The following GNB4 variants were observed in gnomAD, a reference collection of about 807,000 sequenced individuals.
GNB4 encodes the protein guanine nucleotide-binding protein subunit beta-4.
GNB4 carries 28 observed loss-of-function variants against 45.2 expected under a neutral mutation model. The ratio of observed to expected loss-of-function variants is 0.62; its 90% CI spans 0.46 to 0.85. The LOEUF is 0.85. Among genes scored for constraint, GNB4 ranks in the 40% least tolerant of loss-of-function variants. GNB4 has a pLI of 0.00. For synonymous variants in GNB4, 132 were observed against 143.7 expected, an observed-to-expected ratio of 0.92 and a Z score of 0.58; for missense variants, 321 against 425.4, an observed-to-expected ratio of 0.75 and a Z score of 2.16.
chr3:179,405,042 C>T (rs1184582816), intron 9 of GNB4, 148 bp downstream of exon 9: 2 of 554,338 alleles, frequency 3.6e-6, no homozygotes, highest in Non-Finnish European at 6.3e-6. Flanking sequence ...TAACCACAAA[C>T]AAAAGGTAAC....
the GNB4 span, among the ~76,000 whole-genome samples, chr3:179,470,160 G>T: frequency 1.6e-4 from 24 of 152,138 alleles, no homozygotes; most frequent in African/African-American, 5.3e-4. Context: ...GCAACTTTGT[G>T]GCTGGTTTAT....
At chr3:179,459,580 G>A in the GNB4 span, among the ~76,000 whole-genome samples, 2 of 152,080 alleles carry the variant, frequency 1.3e-5, no homozygotes, top group East Asian at 3.9e-4. Flanking sequence ...TACTCGGGAG[G>A]CTGAGGCAGG....
At chr3:179,510,531 G>A in the GNB4 span, among the ~76,000 whole-genome samples, 1 of 151,754 alleles carries the variant, frequency 6.6e-6, no homozygotes, top group Non-Finnish European at 1.5e-5. Context: ...CCTGAGCCTT[G>A]AGGAAAGCCC....
chr3:179,465,800 TTCTTC>T, the GNB4 span, among the ~76,000 whole-genome samples: 53 of 133,634 alleles, frequency 4.0e-4, 1 homozygote, highest in African/African-American at 6.9e-4. Context: ...AATTTTTTTC[TTCTTC>T]TTCTTCTTCT....
chr3:179,523,384 A>G, the GNB4 span, among the ~76,000 whole-genome samples: 1 of 152,190 alleles, frequency 6.6e-6, no homozygotes, highest in Non-Finnish European at 1.5e-5. Context: ...GTGCAAAGGA[A>G]TAGTAAAGAA....
chr3:179,468,200 A>G, the GNB4 span, among the ~76,000 whole-genome samples: 1 of 151,056 alleles, frequency 6.6e-6, no homozygotes, highest in Non-Finnish European at 1.5e-5. Context: ...CTTGTCTCTA[A>G]AAAACAAAAA....
At chr3:179,411,930 C>T (rs958289617) in intron 8 of GNB4, among the ~76,000 whole-genome samples, 2 of 152,148 alleles carry the variant, frequency 1.3e-5, no homozygotes, top group African/African-American at 4.8e-5. Context: ...TACTGTTTGG[C>T]ATCTGATCTG....
At chr3:179,526,601 T>C in the GNB4 span, among the ~76,000 whole-genome samples, 1 of 152,172 alleles carries the variant, frequency 6.6e-6, no homozygotes, top group Admixed American at 6.5e-5. Flanking sequence ...TGCTTACCTC[T>C]CTCCTGTATG....
At chr3:179,489,463 C>T in the GNB4 span, among the ~76,000 whole-genome samples, 1 of 151,662 alleles carries the variant, frequency 6.6e-6, no homozygotes, top group African/African-American at 2.4e-5. Context: ...AAAGCAAGAC[C>T]CCGTCTCTAC....
rs185907490 is a variant in GNB4 at position 179,421,019 on chromosome 3, C to T, written c.58-92G>A. The stretch of plus-strand genomic sequence containing the variant: ...TTGAAAACGTAGATTTGTGAATTTA[C>T]TTCTCACTGTACCACATCTTTAAAA... On this transcript the variant is annotated intron_variant, in intron 2 of 9. Transcript: ENST00000232564. 1,788 of 761,938 alleles carry T rather than the reference C, an allele frequency of 2.3e-3. 13 individuals are homozygous for T. The highest frequency in any genetic ancestry group is 0.013 in the South Asian group (828 of 63,404). 47.2% of individuals were successfully genotyped at this position (761,938 alleles called of 1,614,324 possible). A position where few individuals can be genotyped will look rare whatever the true frequency, so the allele number is the denominator to read the frequency against.
the GNB4 span, among the ~76,000 whole-genome samples, chr3:179,523,504 C>A: frequency 1.3e-5 from 2 of 152,122 alleles, no homozygotes; most frequent in Non-Finnish European, 2.9e-5. Flanking sequence ...ATAGATAAAA[C>A]AATTTGGTTG....
chr3:179,461,038 CT>C, the GNB4 span, among the ~76,000 whole-genome samples: 1 of 152,122 alleles, frequency 6.6e-6, no homozygotes, highest in Non-Finnish European at 1.5e-5. Flanking sequence ...GGGGCCCCTT[CT>C]TTCTGGCCTT....
At chr3:179,447,860 G>T (rs1416523260) in intron 1 of GNB4, among the ~76,000 whole-genome samples, 1 of 152,246 alleles carries the variant, frequency 6.6e-6, no homozygotes, top group Non-Finnish European at 1.5e-5. Flanking sequence ...AGCAACTGGT[G>T]GATGGTGGTA....
At chr3:179,423,880 C>T (rs17359152) in intron 2 of GNB4, among the ~76,000 whole-genome samples, 4,824 of 151,866 alleles carry the variant, frequency 0.032, 113 homozygotes, top group Non-Finnish European at 0.047. Flanking sequence ...GCTCAGAAGT[C>T]GTATAATTCC....
At chr3:179,409,469 G>A (rs546351789) in intron 8 of GNB4, among the ~76,000 whole-genome samples, 1 of 147,894 alleles carries the variant, frequency 6.8e-6, no homozygotes, top group South Asian at 2.2e-4. Flanking sequence ...CCAACATCAC[G>A]CCATTGCACT....
the GNB4 span, among the ~76,000 whole-genome samples, chr3:179,519,804 A>G: frequency 6.6e-6 from 1 of 152,022 alleles, no homozygotes; most frequent in Non-Finnish European, 1.5e-5. Flanking sequence ...ACCCCTCACC[A>G]TCCCATTAAA....
At chr3:179,469,906 G>T in the GNB4 span, among the ~76,000 whole-genome samples, 1 of 152,152 alleles carries the variant, frequency 6.6e-6, no homozygotes, top group Non-Finnish European at 1.5e-5. Context: ...TCCTTATACT[G>T]AGGCCAAGGA....
At chr3:179,417,396 T>A (rs1337126299) in intron 4 of GNB4, among the ~76,000 whole-genome samples, 1 of 149,134 alleles carries the variant, frequency 6.7e-6, no homozygotes, top group African/African-American at 2.5e-5. Flanking sequence ...ACTAAATTTT[T>A]TGTTTTGTTT....
At chr3:179,404,036 C>G (rs749458333) in intron 9 of GNB4, among the ~76,000 whole-genome samples, 1 of 151,686 alleles carries the variant, frequency 6.6e-6, no homozygotes, top group African/African-American at 2.4e-5. Context: ...GCACAATGAA[C>G]GAAAATGGAT....
Sources: gnomAD v4.1 joint callset for allele counts (sites outside exome capture counted in the v4.1 genomes callset) on GRCh38, gnomAD v4.1.1 for gene constraint, MANE v1.5 for transcripts, NCBI Gene and HGNC (gene_info 2026-07-23, HGNC 2026-07-21) for gene names.